ANKS1B: variants seen among roughly 807,000 people sequenced by gnomAD.
The protein encoded by ANKS1B is ankyrin repeat and sterile alpha motif domain-containing protein 1B.
In ANKS1B, 36 loss-of-function variants were observed where a neutral mutation model predicts 148.3. The observed-to-expected ratio is 0.24, with a 90% CI of 0.19 to 0.32. The LOEUF is 0.32. ANKS1B is among the 10% of genes least tolerant of loss of function. The pLI, the probability that ANKS1B is intolerant of heterozygous loss-of-function variation, is 1.00. For synonymous variants in ANKS1B, 542 were observed against 560.8 expected (o/e 0.97, Z 0.47); for missense variants, 1,157 against 1,542.6 (o/e 0.75, Z 4.19).
intron 17 of ANKS1B, among the ~76,000 whole-genome samples, chr12:98,886,365 C>T (rs1178812638): frequency 6.6e-6 from 1 of 151,784 alleles, no homozygotes; most frequent in African/African-American, 2.4e-5. Flanking sequence ...AAGAAAGGAC[C>T]CAGGTACCAT....
rs1011549426 is a variant in ANKS1B, at chr12:99,984,915, G to C, written c.-678C>G. ...CGCGGGCAGGTGCGGCCCCTGGTGCGGCCCGAGTTGGGTGGCGGGCTGGCG... is the reference window on the plus strand; with the variant it reads ...CGCGGGCAGGTGCGGCCCCTGGTGCCGCCCGAGTTGGGTGGCGGGCTGGCG... On this transcript the variant is annotated 5_prime_UTR_variant, in exon 1 of 27. Coordinates refer to ENST00000683438, the MANE Select transcript of ANKS1B (RefSeq NM_001352186.2). 2.7e-5 allele frequency among the ~76,000 whole-genome samples: 4 copies of C among 150,332 alleles called. No individual in the cohort carries two copies. The highest frequency in any genetic ancestry group is 4.4e-5 in the Non-Finnish European group (3 of 67,474).
chr12:99,542,880 A>C (rs1412915525), intron 9 of ANKS1B, among the ~76,000 whole-genome samples: 1 of 152,106 alleles, frequency 6.6e-6, no homozygotes, highest in African/African-American at 2.4e-5. Flanking sequence ...AACTCTACAA[A>C]ACTCTTGGGG....
At chr12:98,828,392 T>C (rs2099267826) in intron 19 of ANKS1B, among the ~76,000 whole-genome samples, 1 of 152,204 alleles carries the variant, frequency 6.6e-6, no homozygotes, top group African/African-American at 2.4e-5. Context: ...ATCTTAGGTG[T>C]GGGAGGCAGA....
intron 12 of ANKS1B, among the ~76,000 whole-genome samples, chr12:99,295,724 A>C (rs1356917975): frequency 1.3e-5 from 2 of 152,134 alleles, no homozygotes; most frequent in Non-Finnish European, 2.9e-5. Context: ...AGCCTGGTAC[A>C]CATTAGTTAT....
At chr12:99,530,597 C>G (rs1220391040) in intron 9 of ANKS1B, among the ~76,000 whole-genome samples, 1 of 152,078 alleles carries the variant, frequency 6.6e-6, no homozygotes, top group Non-Finnish European at 1.5e-5. Flanking sequence ...AAGTGATTTT[C>G]CATTTTTATT....
rs550702895 is a variant in ANKS1B, at chr12:99,874,114, C to G, written c.135-48725G>C. ...TCAGGAATACAAGTAGAAAACACTACCTACCTTTGTGGATATGCCAGTCTA... is the reference window on the plus strand; with the variant it reads ...TCAGGAATACAAGTAGAAAACACTAGCTACCTTTGTGGATATGCCAGTCTA... On this transcript the variant is annotated intron_variant, in intron 1 of 26. Transcript: ENST00000683438. Among the ~76,000 whole-genome samples, 4 of 151,542 alleles carry G rather than the reference C, an allele frequency of 2.6e-5. No homozygotes were observed. The East Asian group carries it at 7.7e-4, about 29-fold the overall frequency.
chr12:99,797,821 G>A (rs1348512747), intron 4 of ANKS1B, among the ~76,000 whole-genome samples: 3 of 151,970 alleles, frequency 2.0e-5, no homozygotes, highest in Non-Finnish European at 2.9e-5. Context: ...AGCCTTGGTA[G>A]CACCAAAGCT....
chr12:99,710,455 G>A (rs1412872883), intron 8 of ANKS1B, among the ~76,000 whole-genome samples: 5 of 152,040 alleles, frequency 3.3e-5, no homozygotes, highest in African/African-American at 9.7e-5. Context: ...ATTAAGACAG[G>A]GCGAATCCAG....
At chr12:98,747,906 T>G (rs2097936816) in intron 26 of ANKS1B, among the ~76,000 whole-genome samples, 1 of 152,162 alleles carries the variant, frequency 6.6e-6, no homozygotes, top group Non-Finnish European at 1.5e-5. Context: ...AAAGTGGATC[T>G]CATGGAGATT....
chr12:99,080,417 G>C (rs2049296161), intron 16 of ANKS1B, among the ~76,000 whole-genome samples: 1 of 152,198 alleles, frequency 6.6e-6, no homozygotes, highest in African/African-American at 2.4e-5. Flanking sequence ...GGGAGACGTT[G>C]AGTATAGACA....
At chr12:99,170,619 C>T (rs1314100568) in intron 14 of ANKS1B, among the ~76,000 whole-genome samples, 1 of 152,134 alleles carries the variant, frequency 6.6e-6, no homozygotes, top group Non-Finnish European at 1.5e-5. Context: ...GGTCCTGCGC[C>T]ATCAGTGCAT....
intron 25 of ANKS1B, among the ~76,000 whole-genome samples, chr12:98,765,757 G>C (rs559758545): frequency 6.6e-6 from 1 of 152,198 alleles, no homozygotes; most frequent in Admixed American, 6.5e-5. Flanking sequence ...CACCATGCCA[G>C]GCTAATTTTT....
chr12:98,842,874 C>T (rs540502852), intron 17 of ANKS1B, among the ~76,000 whole-genome samples: 255 of 152,310 alleles, frequency 1.7e-3, no homozygotes, highest in African/African-American at 5.9e-3. Context: ...GTGCACAATA[C>T]AGTAAATTAG....
chr12:99,660,931 CACTG>C (rs749219355), intron 8 of ANKS1B, among the ~76,000 whole-genome samples: 5 of 152,112 alleles, frequency 3.3e-5, no homozygotes, highest in Admixed American at 1.3e-4. Flanking sequence ...ACTGTTTCAG[CACTG>C]ACTGAGTGGT....
intron 17 of ANKS1B, 25 bp from the exon 18 acceptor site, chr12:98,832,161 A>C: frequency 1.3e-6 from 2 of 1,502,564 alleles, no homozygotes; most frequent in Non-Finnish European, 1.8e-6. Flanking sequence ...ATTTGGGTTA[A>C]ATATTTCACT....
chr12:99,173,802 T>C (rs2078061427), intron 14 of ANKS1B, among the ~76,000 whole-genome samples: 1 of 152,132 alleles, frequency 6.6e-6, no homozygotes. Flanking sequence ...ACAATTTTCC[T>C]TGGGGGATTT....
intron 17 of ANKS1B, among the ~76,000 whole-genome samples, chr12:98,926,707 C>T (rs187898792): frequency 1.1e-4 from 16 of 152,002 alleles, no homozygotes; most frequent in East Asian, 3.9e-4. Flanking sequence ...ATGATTTAAA[C>T]GTACAAAATC....
chr12:98,775,068 C>G (rs2098655909), intron 24 of ANKS1B, among the ~76,000 whole-genome samples: 1 of 152,176 alleles, frequency 6.6e-6, no homozygotes, highest in South Asian at 2.1e-4. Flanking sequence ...GTGTGGGAAC[C>G]TCTGCCATTA....
intron 15 of ANKS1B, among the ~76,000 whole-genome samples, chr12:99,092,785 G>T (rs76827855): frequency 1.4e-4 from 22 of 152,280 alleles, no homozygotes; most frequent in African/African-American, 5.1e-4. Flanking sequence ...ATATAATGAC[G>T]CAGAAAGAAG....
Sources: gnomAD v4.1 joint callset for allele counts (sites outside exome capture counted in the v4.1 genomes callset) on GRCh38, gnomAD v4.1.1 for gene constraint, MANE v1.5 for transcripts, NCBI Gene and HGNC (gene_info 2026-07-23, HGNC 2026-07-21) for gene names.